The following TMEM117 variants were observed in gnomAD, a reference collection of about 807,000 sequenced individuals.
TMEM117 encodes the protein transmembrane protein 117.
A neutral mutation model predicts 52.4 loss-of-function variants in TMEM117; 27 were observed. The ratio of observed to expected loss-of-function variants is 0.51; its 90% CI spans 0.38 to 0.71. The LOEUF is 0.71. Among genes scored for constraint, TMEM117 ranks in the 30% least tolerant of loss-of-function variants. The pLI is 0.00. For missense variants in TMEM117, 556 were observed against 630.5 expected, an observed-to-expected ratio of 0.88 and a Z score of 1.26; for synonymous variants, 215 against 206.3, an observed-to-expected ratio of 1.04 and a Z score of -0.36.
intron 4 of TMEM117, among the ~76,000 whole-genome samples, chr12:44,147,030 A>G (rs1194787129): frequency 6.6e-6 from 1 of 152,160 alleles, no homozygotes; most frequent in East Asian, 1.9e-4. Context: ...GGCAGCTCTG[A>G]CTTTTCCTGG....
At chr12:44,261,266 G>C (rs144333983) in intron 5 of TMEM117, among the ~76,000 whole-genome samples, 1 of 151,242 alleles carries the variant, frequency 6.6e-6, no homozygotes, top group East Asian at 2.0e-4. Flanking sequence ...CTAAGGCTCA[G>C]AAAAGGTAAA....
intron 4 of TMEM117, among the ~76,000 whole-genome samples, chr12:44,176,850 G>A (rs1050279316): frequency 2.6e-5 from 4 of 152,016 alleles, no homozygotes; most frequent in Non-Finnish European, 5.9e-5. Context: ...ATATATAAAT[G>A]TCCTTAAAAT....
At chr12:44,271,775 C>A (rs1950448925) in intron 5 of TMEM117, among the ~76,000 whole-genome samples, 1 of 151,824 alleles carries the variant, frequency 6.6e-6, no homozygotes, top group Non-Finnish European at 1.5e-5. Flanking sequence ...TTCTGCACAG[C>A]AAATAATCAA....
intron 6 of TMEM117, among the ~76,000 whole-genome samples, chr12:44,356,856 T>G (rs1306965071): frequency 6.6e-6 from 1 of 152,146 alleles, no homozygotes; most frequent in Non-Finnish European, 1.5e-5. Context: ...CTCTCCCCAC[T>G]GTAGTCAATA....
intron 2 of TMEM117, among the ~76,000 whole-genome samples, chr12:43,869,822 G>T (rs1211616899): frequency 6.6e-6 from 1 of 152,148 alleles, no homozygotes; most frequent in African/African-American, 2.4e-5. Context: ...ATTGGTAAAT[G>T]TGTGCCATGG....
intron 5 of TMEM117, among the ~76,000 whole-genome samples, chr12:44,239,306 T>A (rs1158974337): frequency 6.6e-6 from 1 of 152,164 alleles, no homozygotes; most frequent in African/African-American, 2.4e-5. Flanking sequence ...TCCCAGCAAG[T>A]ATACAGCATA....
intron 4 of TMEM117, among the ~76,000 whole-genome samples, chr12:44,208,847 C>G (rs985687247): frequency 4.2e-5 from 6 of 143,120 alleles, no homozygotes; most frequent in Non-Finnish European, 7.5e-5. Context: ...AGCAGATTGT[C>G]TCCTTCTAGA....
At chr12:43,802,613 A>G in the TMEM117 span, 3 of 622,330 alleles carry the variant, frequency 4.8e-6, no homozygotes, top group Non-Finnish European at 8.3e-6. Context: ...GTAACATAGA[A>G]AGTAATTATG....
At chr12:44,046,769 C>A (rs565341396) in intron 3 of TMEM117, among the ~76,000 whole-genome samples, 1 of 152,034 alleles carries the variant, frequency 6.6e-6, no homozygotes, top group East Asian at 1.9e-4. Flanking sequence ...AAGAAAATAT[C>A]TTCATTTTAT....
chr12:44,184,333 G>T (rs968671950), intron 4 of TMEM117, among the ~76,000 whole-genome samples: 6 of 151,980 alleles, frequency 3.9e-5, no homozygotes, highest in African/African-American at 1.4e-4. Context: ...TGACAGAATG[G>T]GACTCCATTT....
At chr12:44,353,439 G>T (rs1340316578) in intron 6 of TMEM117, among the ~76,000 whole-genome samples, 5 of 151,868 alleles carry the variant, frequency 3.3e-5, no homozygotes, top group African/African-American at 7.3e-5. Flanking sequence ...GGTCTAACAT[G>T]TAAGTCTTTA....
chr12:44,030,205 T>G (rs900160814), intron 3 of TMEM117, among the ~76,000 whole-genome samples: 2 of 152,238 alleles, frequency 1.3e-5, no homozygotes, highest in African/African-American at 4.8e-5. Context: ...TTCAAAAATG[T>G]AAACATTTGG....
At chr12:44,103,114 G>A (rs926619708) in intron 3 of TMEM117, among the ~76,000 whole-genome samples, 2 of 151,854 alleles carry the variant, frequency 1.3e-5, no homozygotes, top group Non-Finnish European at 2.9e-5. Context: ...CTAATACAAA[G>A]GAAAATTTTT....
intron 6 of TMEM117, among the ~76,000 whole-genome samples, chr12:44,318,735 C>G (rs1444918499): frequency 1.3e-5 from 2 of 152,050 alleles, no homozygotes; most frequent in African/African-American, 2.4e-5. Flanking sequence ...CCTACTGATC[C>G]AGGAGAGTGG....
chr12:44,017,975 C>G (rs987862742), intron 3 of TMEM117, among the ~76,000 whole-genome samples: 11 of 152,042 alleles, frequency 7.2e-5, no homozygotes, highest in African/African-American at 2.7e-4. Flanking sequence ...AAGTCACATA[C>G]TAATTAGTAA....
downstream of TMEM117, among the ~76,000 whole-genome samples, chr12:44,391,866 T>C (rs1952163482): frequency 6.6e-6 from 1 of 152,156 alleles, no homozygotes; most frequent in Non-Finnish European, 1.5e-5. Flanking sequence ...ATGCTTATAT[T>C]GGTTTTTCCC....
chr12:44,283,211 C>T (rs1364364358), intron 5 of TMEM117, among the ~76,000 whole-genome samples: 1 of 152,220 alleles, frequency 6.6e-6, no homozygotes, highest in Admixed American at 6.5e-5. Context: ...TCAGAGCCTG[C>T]ACACAGAGTC....
chr12:44,135,981 A>G (rs1948484839), intron 3 of TMEM117, among the ~76,000 whole-genome samples: 1 of 152,238 alleles, frequency 6.6e-6, no homozygotes, highest in African/African-American at 2.4e-5. Context: ...TAGTTTAGAT[A>G]GAAGAATCAT....
chr12:44,033,993 C>T (rs1946673553), intron 3 of TMEM117, among the ~76,000 whole-genome samples: 1 of 152,162 alleles, frequency 6.6e-6, no homozygotes, highest in Non-Finnish European at 1.5e-5. Context: ...TTGTTGTCTA[C>T]CTAGTCAATG....
Sources: gnomAD v4.1 joint callset for allele counts (sites outside exome capture counted in the v4.1 genomes callset) on GRCh38, gnomAD v4.1.1 for gene constraint, MANE v1.5 for transcripts, NCBI Gene and HGNC (gene_info 2026-07-23, HGNC 2026-07-21) for gene names.